Variants in IQCM observed in about 807,000 individuals in gnomAD.
The protein encoded by IQCM is IQ motif containing M.
Under a neutral mutation model 57.6 loss-of-function variants are expected in IQCM, and 45 were observed. That is an observed-to-expected ratio of 0.78 (90% CI 0.62 to 1.00). The LOEUF (loss-of-function observed/expected upper bound fraction) is 1.00, where lower values mean the gene tolerates loss of function less well. IQCM is among the 50% of genes least tolerant of loss of function. The pLI, the probability that IQCM is intolerant of heterozygous loss-of-function variation, is 0.00. For missense variants in IQCM, 468 were observed against 511.6 expected (o/e 0.91, Z 0.82); for synonymous variants, 148 against 158.9 (o/e 0.93, Z 0.51).
chr4:149,730,388 C>T (rs749376120), intron 5 of IQCM, among the ~76,000 whole-genome samples: 74 of 152,180 alleles, frequency 4.9e-4, no homozygotes, highest in Non-Finnish European at 9.6e-4. Context: ...AGCCAGTAAA[C>T]ATGCTAAAAT....
chr4:149,549,290 C>T (rs1170664162), intron 11 of IQCM, among the ~76,000 whole-genome samples: 10 of 151,852 alleles, frequency 6.6e-5, no homozygotes, highest in Admixed American at 2.0e-4. Context: ...CCGAGGCGGG[C>T]GGATCACGAG....
chr4:149,525,029 C>T lies in IQCM; in HGVS notation c.1228+23426G>A, dbSNP rs1746021692. On this transcript the variant is annotated intron_variant, in intron 12 of 13. Transcript: ENST00000636793. Reference sequence around the variant, plus strand: ...AAACAGGGATCAATGATTTTCCTTTCAAAGAAGCACTGGAACCCAATGTTC... The same window carrying T: ...AAACAGGGATCAATGATTTTCCTTTTAAAGAAGCACTGGAACCCAATGTTC... Among the ~76,000 whole-genome samples, 3 of 151,822 alleles carry T rather than the reference C, an allele frequency of 2.0e-5. No homozygotes were observed. The South Asian group carries it at 6.2e-4, about 32-fold the overall frequency.
In IQCM at chr4:149,481,706, T is replaced by G. The variant is rs867192998; in HGVS notation, c.1229-48149A>C. Among the ~76,000 whole-genome samples the G allele has an allele frequency of 1.3e-4, 17 of 133,388 alleles. 1 individual carries two copies. The highest frequency in any genetic ancestry group is 4.5e-4 in the African/African-American group (16 of 35,448). 87.5% of individuals were successfully genotyped at this position (133,388 alleles called of 152,430 possible). A position where few individuals can be genotyped will look rare whatever the true frequency, so the allele number is the denominator to read the frequency against. The stretch of plus-strand genomic sequence containing the variant: ...AATGTGATTCTTCCAGTTTTGTTTT[T>G]TTTTTTTTTTTTTTTTGCTTTTTGC... On this transcript the variant is annotated intron_variant, in intron 12 of 13. Coordinates refer to ENST00000636793, the MANE Select transcript of IQCM (RefSeq NM_001363507.2).
chr4:149,772,232 A>AAGG (rs72529249), intron 2 of IQCM, among the ~76,000 whole-genome samples: 35 of 151,848 alleles, frequency 2.3e-4, no homozygotes, highest in African/African-American at 8.5e-4. Flanking sequence ...ATGTAAACAG[A>AAGG]ACCACTAATA....
intron 13 of IQCM, among the ~76,000 whole-genome samples, chr4:149,422,843 T>C (rs1308118806): frequency 6.6e-6 from 1 of 152,040 alleles, no homozygotes; most frequent in Non-Finnish European, 1.5e-5. Flanking sequence ...TATTCTATAG[T>C]TATAAATAGT....
chr4:149,512,119 C>A (rs1579315543), intron 12 of IQCM, among the ~76,000 whole-genome samples: 1 of 152,180 alleles, frequency 6.6e-6, no homozygotes, highest in Non-Finnish European at 1.5e-5. Flanking sequence ...CATGGGCCAC[C>A]TTGTGGCTGT....
At position 149,594,839 on chromosome 4, in the gene IQCM, G is replaced by A. The variant is rs548385831; in HGVS notation, c.682-6842C>T. Among the ~76,000 whole-genome samples, 6 of 152,224 alleles carry A rather than the reference G, an allele frequency of 3.9e-5. 1 individual carries two copies. The South Asian group carries it at 1.2e-3, about 32-fold the overall frequency. On this transcript the variant is annotated intron_variant, in intron 8 of 13. Coordinates refer to ENST00000636793, the MANE Select transcript of IQCM (RefSeq NM_001363507.2). ...TGAGAGACAGTTTGTTGTAATTTCT[G>A]TTCTTTTACATTTGCTGAGGAGTGC... is the stretch of plus-strand genomic sequence containing the variant.
chr4:149,446,010 C>G (rs891278138), intron 12 of IQCM, among the ~76,000 whole-genome samples: 4 of 151,652 alleles, frequency 2.6e-5, no homozygotes, highest in African/African-American at 9.7e-5. Context: ...AGCATTTTCC[C>G]TCAAAAATCT....
chr4:149,525,229 G>A (rs1340883098), intron 12 of IQCM, among the ~76,000 whole-genome samples: 6 of 151,802 alleles, frequency 4.0e-5, no homozygotes. Flanking sequence ...GAAAGTAGAT[G>A]AAACATTCTA....
chr4:149,526,593 T>C lies in IQCM; in HGVS notation c.1228+21862A>G, dbSNP rs573446250. Among the ~76,000 whole-genome samples, 16 of 152,208 alleles carry C rather than the reference T, an allele frequency of 1.1e-4. No individual in the cohort carries two copies. In the South Asian group the frequency reaches 2.9e-3, roughly 28 times the overall value. On this transcript the variant is annotated intron_variant, in intron 12 of 13. Transcript: ENST00000636793. ...TTTAATCTAGACAAATGAAACCTAC[T>C]TGTCTGTGCAATCATCATGACAGAT...
intron 12 of IQCM, among the ~76,000 whole-genome samples, chr4:149,481,753 T>A (rs1262512506): frequency 1.4e-5 from 2 of 148,004 alleles, no homozygotes; most frequent in Non-Finnish European, 3.0e-5. Flanking sequence ...TTGGCTATTC[T>A]GGGTCTTCTG....
chr4:149,415,227 C>T (rs1406450084), intron 13 of IQCM, among the ~76,000 whole-genome samples: 1 of 152,088 alleles, frequency 6.6e-6, no homozygotes, highest in Non-Finnish European at 1.5e-5. Flanking sequence ...AATTACATTG[C>T]AATCATTGGC....
At chr4:149,546,967 G>A (rs1194988132) in intron 12 of IQCM, among the ~76,000 whole-genome samples, 4 of 152,106 alleles carry the variant, frequency 2.6e-5, no homozygotes, top group Non-Finnish European at 4.4e-5. Flanking sequence ...TAACATTTAA[G>A]TCTTTAATCC....
intron 12 of IQCM, among the ~76,000 whole-genome samples, chr4:149,538,011 A>T (rs550464676): frequency 6.6e-6 from 1 of 151,624 alleles, no homozygotes; most frequent in African/African-American, 2.4e-5. Flanking sequence ...GGAAATCGTA[A>T]ATGTATTTAT....
chr4:149,725,831 T>C (rs1204321500), intron 5 of IQCM, among the ~76,000 whole-genome samples: 1 of 152,082 alleles, frequency 6.6e-6, no homozygotes, highest in Non-Finnish European at 1.5e-5. Context: ...AACTCTTCAT[T>C]TGCCCTAAGA....
At chr4:149,477,706 G>T (rs1257374502) in intron 12 of IQCM, among the ~76,000 whole-genome samples, 1 of 152,170 alleles carries the variant, frequency 6.6e-6, no homozygotes, top group East Asian at 1.9e-4. Context: ...CACTGTAAAT[G>T]AAGTGGTCAA....
intron 13 of IQCM, among the ~76,000 whole-genome samples, chr4:149,392,022 C>T (rs1240956745): frequency 6.6e-6 from 1 of 151,480 alleles, no homozygotes; most frequent in Admixed American, 6.6e-5. Context: ...TCTCTATTTC[C>T]TTGTTGATCT....
chr4:149,712,705 T>C (rs1325095581), intron 5 of IQCM, among the ~76,000 whole-genome samples: 2 of 152,176 alleles, frequency 1.3e-5, no homozygotes, highest in African/African-American at 4.8e-5. Context: ...AAGGTGTTTT[T>C]CAGGAGTACT....
At chr4:149,698,804 G>GT (rs756429493) in intron 5 of IQCM, among the ~76,000 whole-genome samples, 4 of 152,032 alleles carry the variant, frequency 2.6e-5, no homozygotes, top group Non-Finnish European at 5.9e-5. Flanking sequence ...ACAGACTTAA[G>GT]TAAGTATAAA....
Sources: allele counts gnomAD v4.1 joint callset (sites outside exome capture counted in the v4.1 genomes callset), GRCh38; gene constraint gnomAD v4.1.1; transcripts MANE v1.5; gene names NCBI Gene and HGNC (gene_info 2026-07-23, HGNC 2026-07-21).